Variants in PPFIA2 observed in about 807,000 individuals in gnomAD.
PPFIA2 encodes the protein liprin-alpha-2.
In PPFIA2, 46 loss-of-function variants were observed where a neutral mutation model predicts 175.5. The observed-to-expected ratio is 0.26, with a 90% CI of 0.21 to 0.34. The LOEUF is 0.34. PPFIA2 is among the 10% of genes least tolerant of loss of function. The pLI is 1.00. For missense variants in PPFIA2, 1,179 were observed against 1,506.1 expected (o/e 0.78, Z 3.60); for synonymous variants, 568 against 511.4 (o/e 1.11, Z -1.49).
At chr12:81,487,413 T>TA (rs2058954631) in intron 4 of PPFIA2, among the ~76,000 whole-genome samples, 2 of 151,916 alleles carry the variant, frequency 1.3e-5, no homozygotes, top group African/African-American at 4.8e-5. Flanking sequence ...TTGTGAGACT[T>TA]AACTAAGTTA....
intron 22 of PPFIA2, among the ~76,000 whole-genome samples, chr12:81,310,023 C>T (rs1198488708): frequency 6.6e-6 from 1 of 151,974 alleles, no homozygotes; most frequent in African/African-American, 2.4e-5. Flanking sequence ...TAATTGGGGA[C>T]CTACTGGAGA....
chr12:81,429,962 T>C (rs1466065732), intron 7 of PPFIA2: 1 of 152,088 alleles, frequency 6.6e-6, no homozygotes, highest in Non-Finnish European at 1.5e-5. Context: ...ACAGTCTCCT[T>C]AGTTCCTAAA....
chr12:81,512,241 T>C (rs1359463541), intron 4 of PPFIA2: 2 of 1,138,884 alleles, frequency 1.8e-6, no homozygotes, highest in Non-Finnish European at 2.3e-6. Context: ...CCCTAATGCC[T>C]TCATTACAAA....
At chr12:81,691,812 G>A (rs990094001) in intron 3 of PPFIA2, among the ~76,000 whole-genome samples, 6 of 151,928 alleles carry the variant, frequency 3.9e-5, no homozygotes, top group Non-Finnish European at 7.4e-5. Context: ...TATTTAGCAA[G>A]GAAGAAATTG....
chr12:81,367,542 G>A (rs2033853024), intron 13 of PPFIA2, among the ~76,000 whole-genome samples: 1 of 151,580 alleles, frequency 6.6e-6, no homozygotes, highest in Admixed American at 6.6e-5. Flanking sequence ...AAAAAATTCA[G>A]AAGAACTCAC....
In PPFIA2 at chr12:81,526,481, T is replaced by A. The variant is rs537409502; in HGVS notation, c.304-68615A>T. On this transcript the variant is annotated intron_variant, in intron 4 of 32. Transcript: ENST00000549396. Reference sequence around the variant, plus strand: ...TGGATTTGAGTCACCAGTAAATCTCTTTACTGTTTAAAGCCAGTATTAGCT... The same window carrying A: ...TGGATTTGAGTCACCAGTAAATCTCATTACTGTTTAAAGCCAGTATTAGCT... Among the ~76,000 whole-genome samples, 4 of 152,320 alleles carry A rather than the reference T, an allele frequency of 2.6e-5. No individual in the cohort carries two copies. The South Asian group carries it at 8.3e-4, about 32-fold the overall frequency.
At chr12:81,439,158 TCTCTCTCC>T (rs951076183) in intron 7 of PPFIA2, among the ~76,000 whole-genome samples, 1 of 150,458 alleles carries the variant, frequency 6.6e-6, no homozygotes, top group African/African-American at 2.4e-5. Context: ...TCTCTCTCTC[TCTCTCTCC>T]CTCTCTCTCT....
intron 30 of PPFIA2, among the ~76,000 whole-genome samples, chr12:81,265,040 C>T (rs2036793522): frequency 6.6e-6 from 1 of 152,160 alleles, no homozygotes; most frequent in African/African-American, 2.4e-5. Flanking sequence ...CGCCTGTAAT[C>T]CCAGCATTTT....
At chr12:81,750,850 T>G in intron 3 of PPFIA2, among the ~76,000 whole-genome samples, 1 of 152,186 alleles carries the variant, frequency 6.6e-6, no homozygotes, top group South Asian at 2.1e-4. Context: ...AAAGTTTATC[T>G]CTGCTTTCAA....
intron 9 of PPFIA2, among the ~76,000 whole-genome samples, chr12:81,381,491 G>A (rs1298631770): frequency 6.6e-6 from 1 of 152,088 alleles, no homozygotes; most frequent in African/African-American, 2.4e-5. Flanking sequence ...ATAGAGCAAT[G>A]AGTACTAAGA....
At chr12:81,294,435 T>TAGGAAGGAAGGA (rs1359167074) in intron 24 of PPFIA2, 206 of 83,342 alleles carry the variant, frequency 2.5e-3, no homozygotes, top group African/African-American at 9.2e-3. Flanking sequence ...GGAAGGAAGG[T>TAGGAAGGAAGGA]AGGTAGGAAG....
chr12:81,315,127 T>A (rs2051998496), intron 22 of PPFIA2, among the ~76,000 whole-genome samples: 1 of 151,846 alleles, frequency 6.6e-6, no homozygotes, highest in Admixed American at 6.6e-5. Flanking sequence ...TAAGCTAGAA[T>A]GTAAACTCAT....
chr12:81,748,110 G>T (rs1018718757), intron 3 of PPFIA2, among the ~76,000 whole-genome samples: 1 of 144,146 alleles, frequency 6.9e-6, no homozygotes, highest in African/African-American at 2.4e-5. Context: ...TCTGACTCAA[G>T]TCCAAAGCCT....
intron 24 of PPFIA2, among the ~76,000 whole-genome samples, chr12:81,294,134 C>A (rs1179186932): frequency 6.6e-6 from 1 of 151,976 alleles, no homozygotes; most frequent in Non-Finnish European, 1.5e-5. Flanking sequence ...ACATTGGAGA[C>A]TCCAAAAGGG....
chr12:81,474,380 C>T (rs2057204683), intron 4 of PPFIA2, among the ~76,000 whole-genome samples: 1 of 152,148 alleles, frequency 6.6e-6, no homozygotes, highest in Non-Finnish European at 1.5e-5. Context: ...TGCTCTCAAA[C>T]TCCTGGCCTC....
chr12:81,499,126 G>T (rs751044597), intron 4 of PPFIA2, among the ~76,000 whole-genome samples: 2 of 152,146 alleles, frequency 1.3e-5, no homozygotes, highest in Admixed American at 6.5e-5. Flanking sequence ...CAGGCTTGCC[G>T]CCCCTGCAGT....
chr12:81,555,124 C>T (rs1025821420), intron 4 of PPFIA2, among the ~76,000 whole-genome samples: 5 of 151,938 alleles, frequency 3.3e-5, no homozygotes, highest in African/African-American at 1.2e-4. Flanking sequence ...TGTCTGCCTT[C>T]AAGGTATTCA....
At chr12:81,261,060 G>A (rs1593285448) in intron 32 of PPFIA2, 2 of 152,050 alleles carry the variant, frequency 1.3e-5, no homozygotes, top group Non-Finnish European at 2.9e-5. Flanking sequence ...GGTTACATAG[G>A]AAGGTTTTGT....
chr12:81,561,453 T>C (rs2070054621), intron 4 of PPFIA2, among the ~76,000 whole-genome samples: 1 of 152,040 alleles, frequency 6.6e-6, no homozygotes, highest in Non-Finnish European at 1.5e-5. Flanking sequence ...AATACAGTAA[T>C]GAATTAATGA....
Sources: gnomAD v4.1 joint callset for allele counts (sites outside exome capture counted in the v4.1 genomes callset) on GRCh38, gnomAD v4.1.1 for gene constraint, MANE v1.5 for transcripts, NCBI Gene and HGNC (gene_info 2026-07-23, HGNC 2026-07-21) for gene names.